The following EXOG variants were observed in gnomAD, a reference collection of about 807,000 sequenced individuals.
The protein encoded by EXOG is exo/endonuclease G.
In EXOG, 27 loss-of-function variants were observed where a neutral mutation model predicts 25.8. That is an observed-to-expected ratio of 1.05 (90% confidence interval 0.77 to 1.45). EXOG has a LOEUF of 1.45. Ranked by LOEUF, EXOG falls within the 40% of genes most tolerant of loss-of-function variation. The pLI, the probability that EXOG is intolerant of heterozygous loss-of-function variation, is 0.00. For synonymous variants in EXOG, 133 were observed against 167.0 expected (o/e 0.80, Z 1.57); for missense variants, 458 against 450.5 (o/e 1.02, Z -0.15).
chr3:38,513,525 T>C (rs968874551), intron 5 of EXOG, among the ~76,000 whole-genome samples: 3 of 152,180 alleles, frequency 2.0e-5, no homozygotes, highest in African/African-American at 7.2e-5. Context: ...AAGGTAAGGG[T>C]GGCAGTGTAT....
At chr3:38,509,166 T>C (rs1025995267) in intron 5 of EXOG, among the ~76,000 whole-genome samples, 4 of 152,220 alleles carry the variant, frequency 2.6e-5, no homozygotes, top group Admixed American at 1.3e-4. Context: ...CTGTTTATTT[T>C]ATGTCAGAAA....
At chr3:38,523,383 A>T (rs2060780851) in intron 5 of EXOG, 1 of 944,530 alleles carries the variant, frequency 1.1e-6, no homozygotes, top group African/African-American at 1.8e-5. Context: ...TTATTTTTTG[A>T]GGTGGAGTCT....
Position 38,524,466 on chromosome 3 carries a change from C to G in EXOG, c.*104C>G. 2.8e-6 allele frequency: 4 copies of G among 1,449,896 alleles called. No homozygotes were observed. The highest frequency in any genetic ancestry group is 3.6e-6 in the Non-Finnish European group (4 of 1,102,784). The allele number at this position is 1,449,896 out of a possible 1,614,324, so 89.8% of individuals were successfully genotyped here. On this transcript the variant is annotated 3_prime_UTR_variant, in exon 6 of 6. Coordinates refer to ENST00000287675, the MANE Select transcript of EXOG (RefSeq NM_005107.4). Reference sequence around the variant, plus strand: ...GCTTTTTGCTTTTTAAAAAGTTTTTCTCTTTAAGAGATGTGGTCTCGCCGT... The same window carrying G: ...GCTTTTTGCTTTTTAAAAAGTTTTTGTCTTTAAGAGATGTGGTCTCGCCGT...
chr3:38,500,630 AT>A (rs2060018180), intron 2 of EXOG, among the ~76,000 whole-genome samples: 7 of 152,132 alleles, frequency 4.6e-5, no homozygotes, highest in Admixed American at 4.6e-4. Context: ...AGTATGTTTC[AT>A]TTGTTGTCAT....
At chr3:38,501,255 G>A in intron 2 of EXOG, 100 bp from the exon 3 acceptor site, 2 of 904,698 alleles carry the variant, frequency 2.2e-6, no homozygotes, top group Non-Finnish European at 3.6e-6. Context: ...CTAGCTGCTT[G>A]GAGAGACACC....
intron 5 of EXOG, among the ~76,000 whole-genome samples, chr3:38,522,326 A>G (rs1209086703): frequency 6.6e-6 from 1 of 152,196 alleles, no homozygotes; most frequent in Non-Finnish European, 1.5e-5. Flanking sequence ...GGCTCACAAG[A>G]AGGAATCTTG....
chr3:38,507,109 A>G (rs1259374361), intron 5 of EXOG, 141 bp downstream of exon 5: 1 of 502,782 alleles, frequency 2.0e-6, no homozygotes, highest in Non-Finnish European at 3.6e-6. Flanking sequence ...AACAATATTT[A>G]TTGAACACCT....
In EXOG at chr3:38,497,199, G is replaced by C. The variant is rs2059917437; in HGVS notation, c.164-430G>C. On this transcript the variant is annotated intron_variant, in intron 1 of 5. Coordinates refer to ENST00000287675, the MANE Select transcript of EXOG (RefSeq NM_005107.4). ...TACCCCCTTGGGGGGTTGAGGATTT[G>C]AGAAGGCATCGGGGAGGATTATCTC... is the stretch of plus-strand genomic sequence containing the variant. 11 of 1,006,960 alleles carry C rather than the reference G, an allele frequency of 1.1e-5. 1 individual carries two copies. The highest frequency in any genetic ancestry group is 1.2e-4 in the Admixed American group (2 of 17,098). The allele number at this position is 1,006,960 out of a possible 1,614,324, so 62.4% of individuals were successfully genotyped here. A position where few individuals can be genotyped will look rare whatever the true frequency, so the allele number is the denominator to read the frequency against.
chr3:38,524,312 G>C lies in EXOG; in HGVS notation c.1057G>C (p.Glu353Gln). 1 of 1,612,888 alleles carries C rather than the reference G, an allele frequency of 6.2e-7. No individual in the cohort carries two copies. Among genetic ancestry groups the C allele is most frequent in the Non-Finnish European group, 8.5e-7 (1 of 1,179,766 alleles). ...FMSRYEKKLE[E>Q]LKAKEQSGTQ... is the part of the protein sequence containing the mutation. ...GAGTCGCTATGAGAAGAAGCTAGAA[G>C]AACTCAAAGCTAAGGAGCAGTCAGG... Residue 353 changes from glutamate to glutamine, a missense_variant, in exon 6 of 6, where the codon GAA becomes CAA. Coordinates refer to ENST00000287675, the MANE Select transcript of EXOG (RefSeq NM_005107.4).
intron 1 of EXOG, 32 bp from the exon 2 acceptor site, chr3:38,497,597 G>GT: frequency 6.7e-7 from 1 of 1,501,470 alleles, no homozygotes; most frequent in South Asian, 1.3e-5. Flanking sequence ...TTTTGTCTCT[G>GT]CCCCCCCTTT....
Position 38,501,794 on chromosome 3 carries a change from G to A in EXOG, c.453+300G>A, listed in dbSNP as rs114873927. Among the ~76,000 whole-genome samples, 1,203 of 152,262 alleles carry A rather than the reference G, an allele frequency of 7.9e-3. 19 individuals are homozygous for A. Among genetic ancestry groups the A allele is most frequent in the African/African-American group, 0.026 (1,094 of 41,544 alleles). ...TCTCACTCACTCTGTTGCCCAGGTC[G>A]GAGCACAGTGGCTTGATCTCGGCGC... On this transcript the variant is annotated intron_variant, in intron 3 of 5. Coordinates refer to ENST00000287675, the MANE Select transcript of EXOG (RefSeq NM_005107.4).
At position 38,524,375 on chromosome 3, in the gene EXOG, G is replaced by A. The variant is rs2060821290; in HGVS notation, c.*13G>A. 1.3e-6 allele frequency: 2 copies of A among 1,590,054 alleles called. No homozygotes were observed. Among genetic ancestry groups the A allele is most frequent in the Non-Finnish European group, 1.7e-6 (2 of 1,170,530 alleles). ...AAAGCCATCCTAGTTTTTATCTCAA[G>A]ATGTGTCATACCGTCTGTAATGAAG... On this transcript the variant is annotated 3_prime_UTR_variant, in exon 6 of 6. Coordinates refer to ENST00000287675, the MANE Select transcript of EXOG (RefSeq NM_005107.4).
At chr3:38,515,708 T>A (rs1327289957) in intron 5 of EXOG, 3 of 155,240 alleles carry the variant, frequency 1.9e-5, no homozygotes, top group African/African-American at 7.2e-5. Flanking sequence ...TGTTCTGTGC[T>A]CCCTGGCCCA....
In EXOG at chr3:38,525,715, G is replaced by A. The variant is rs2060852738; in HGVS notation, c.*1353G>A. 1 of 805,578 alleles carries A rather than the reference G, an allele frequency of 1.2e-6. No homozygotes were observed. The highest frequency in any genetic ancestry group is 5.6e-5 in the South Asian group (1 of 17,778). 49.9% of individuals were successfully genotyped at this position (805,578 alleles called of 1,614,324 possible). A position where few individuals can be genotyped will look rare whatever the true frequency, so the allele number is the denominator to read the frequency against. On this transcript the variant is annotated 3_prime_UTR_variant, in exon 6 of 6. Coordinates refer to ENST00000287675, the MANE Select transcript of EXOG (RefSeq NM_005107.4). ...CTCAGCACTTTGGGAAATCGAGGTG[G>A]GTGGATCGCTTGAGCCCAGGAGTTT...
At chr3:38,523,811 T>C in intron 5 of EXOG, 90 bp from the exon 6 acceptor site, 1 of 819,104 alleles carries the variant, frequency 1.2e-6, no homozygotes, top group South Asian at 1.8e-5. Flanking sequence ...TAAGTACATT[T>C]CAGCAATGCA....
chr3:38,506,616 C>T (rs182211431), intron 4 of EXOG, among the ~76,000 whole-genome samples: 12 of 152,218 alleles, frequency 7.9e-5, no homozygotes, highest in East Asian at 5.8e-4. Context: ...GTACTCTGAG[C>T]GCACATAAAG....
chr3:38,505,927 CAG>C (rs1230562210), intron 4 of EXOG, among the ~76,000 whole-genome samples: 2 of 147,770 alleles, frequency 1.4e-5, no homozygotes, highest in African/African-American at 2.5e-5. Context: ...GCCTGGGTGA[CAG>C]AGTGAGTGAG....
chr3:38,510,113 A>G (rs1342134016), intron 5 of EXOG, among the ~76,000 whole-genome samples: 1 of 152,182 alleles, frequency 6.6e-6, no homozygotes, highest in East Asian at 1.9e-4. Flanking sequence ...ACTTAGTGAA[A>G]CGCTGTACTC....
chr3:38,496,440 G>C lies in EXOG; in HGVS notation c.73G>C (p.Val25Leu). Reference sequence around the variant, plus strand: ...TCTGAGCGGCTTCGTGGCTGGGGCTGTAGTGGGCGCTGCGGGAGCTGGGCT... The same window carrying C: ...TCTGAGCGGCTTCGTGGCTGGGGCTCTAGTGGGCGCTGCGGGAGCTGGGCT... Reference protein sequence around the residue: ...RFLSGFVAGAVVGAAGAGLAA... With the variant: ...RFLSGFVAGALVGAAGAGLAA... Residue 25 changes from valine (V) to leucine (L), a missense_variant, in exon 1 of 6, where the codon GTA becomes CTA. Val to Leu is a conservative substitution (Grantham distance 32, BLOSUM62 1). Around this residue, in one of 3 missense-constraint regions of EXOG, gnomAD observed 275 missense variants for 230.5 expected, o/e 1.19. Transcript: ENST00000287675. 2.5e-6 allele frequency: 4 copies of C among 1,614,132 alleles called. No homozygotes were observed. The highest frequency in any genetic ancestry group is 3.4e-6 in the Non-Finnish European group (4 of 1,180,010).
Sources: allele counts gnomAD v4.1 joint callset (sites outside exome capture counted in the v4.1 genomes callset), GRCh38; gene constraint gnomAD v4.1.1; regional missense constraint gnomAD v4.1.1; transcripts MANE v1.5; gene names NCBI Gene and HGNC (gene_info 2026-07-23, HGNC 2026-07-21).